The following CSGALNACT1 variants were observed in gnomAD, a reference collection of about 807,000 sequenced individuals.
CSGALNACT1 encodes the protein chondroitin sulfate N-acetylgalactosaminyltransferase 1, also known as beta4GalNAcT-1.
CSGALNACT1 carries 52 observed loss-of-function variants against 51.0 expected under a neutral mutation model. The observed-to-expected ratio is 1.02, with a 90% CI of 0.82 to 1.29. CSGALNACT1 has a LOEUF of 1.29. Among genes scored for constraint, CSGALNACT1 ranks in the 50% most tolerant of loss-of-function variants. CSGALNACT1 has a pLI of 0.00. For missense variants in CSGALNACT1, 935 were observed against 679.2 expected, an observed-to-expected ratio of 1.38 and a Z score of -4.19; for synonymous variants, 341 against 254.4, an observed-to-expected ratio of 1.34 and a Z score of -3.24.
chr8:19,705,460 C>A (rs1329581493), intron 1 of CSGALNACT1, among the ~76,000 whole-genome samples: 2 of 152,164 alleles, frequency 1.3e-5, no homozygotes, highest in African/African-American at 2.4e-5. Flanking sequence ...AGGCTGGGCA[C>A]AGTGGCTCAT....
At chr8:19,507,917 G>A (rs1449798864) in intron 3 of CSGALNACT1, among the ~76,000 whole-genome samples, 4 of 152,224 alleles carry the variant, frequency 2.6e-5, no homozygotes, top group South Asian at 2.1e-4. Context: ...GTGAGCCGCC[G>A]TGCCCGGCCC....
intron 6 of CSGALNACT1, among the ~76,000 whole-genome samples, chr8:19,421,981 C>G (rs1233143795): frequency 6.6e-6 from 1 of 152,168 alleles, no homozygotes; most frequent in Non-Finnish European, 1.5e-5. Context: ...ACAGATGTTT[C>G]TGAATGAGTG....
At chr8:19,473,734 G>A (rs536606721) in intron 4 of CSGALNACT1, among the ~76,000 whole-genome samples, 1 of 152,196 alleles carries the variant, frequency 6.6e-6, no homozygotes, top group Admixed American at 6.5e-5. Context: ...TTAATTAGTG[G>A]TGGAAATTCA....
exon 10 of CSGALNACT1, chr8:19,404,873 C>G (rs1331091921): frequency 4.4e-6 from 2 of 454,422 alleles, no homozygotes; most frequent in Non-Finnish European, 8.8e-6. Flanking sequence ...TGCTCCTCTT[C>G]GAAAATACTC....
chr8:19,640,870 A>C (rs2056655355), intron 1 of CSGALNACT1, among the ~76,000 whole-genome samples: 1 of 150,720 alleles, frequency 6.6e-6, no homozygotes, highest in South Asian at 2.1e-4. Context: ...CTTAAGACTT[A>C]AGTTTTGGTT....
chr8:19,421,637 T>C (rs112662146), intron 6 of CSGALNACT1, among the ~76,000 whole-genome samples: 27 of 152,374 alleles, frequency 1.8e-4, no homozygotes, highest in African/African-American at 6.3e-4. Context: ...TTCCAGTTTG[T>C]AAAGTTTGCA....
At chr8:19,632,562 T>C (rs2055420744) in intron 1 of CSGALNACT1, among the ~76,000 whole-genome samples, 1 of 152,250 alleles carries the variant, frequency 6.6e-6, no homozygotes, top group African/African-American at 2.4e-5. Flanking sequence ...TAAGTTTAAT[T>C]ACTTCTGTTC....
chr8:19,620,778 C>T (rs1448495974), intron 1 of CSGALNACT1, among the ~76,000 whole-genome samples: 3 of 152,008 alleles, frequency 2.0e-5, no homozygotes, highest in Non-Finnish European at 4.4e-5. Context: ...TTAAGATATC[C>T]TCAGTTAAGG....
intron 1 of CSGALNACT1, among the ~76,000 whole-genome samples, chr8:19,624,922 C>A (rs1172192577): frequency 1.3e-5 from 2 of 152,302 alleles, no homozygotes; most frequent in East Asian, 3.9e-4. Flanking sequence ...CGTGACCCGC[C>A]CACCTCGGCC....
At chr8:19,404,196 T>C (rs2053712333) in exon 10 of CSGALNACT1, 1 of 380,254 alleles carries the variant, frequency 2.6e-6, no homozygotes, top group Non-Finnish European at 5.2e-6. Flanking sequence ...AGCTGTGCAA[T>C]ACCACCTTCC....
upstream of CSGALNACT1, among the ~76,000 whole-genome samples, chr8:19,684,176 T>A (rs1195592882): frequency 1.3e-5 from 2 of 149,590 alleles, no homozygotes; most frequent in Non-Finnish European, 3.0e-5. Flanking sequence ...AAAAAAAAAA[T>A]ACATAATAAA....
intron 3 of CSGALNACT1, among the ~76,000 whole-genome samples, chr8:19,566,669 G>T (rs1354002746): frequency 9.2e-5 from 14 of 152,106 alleles, no homozygotes. Flanking sequence ...TCTAAAACAA[G>T]GTGCTCCATT....
At chr8:19,553,902 AAC>A (rs34664028) in intron 3 of CSGALNACT1, among the ~76,000 whole-genome samples, 83 of 147,344 alleles carry the variant, frequency 5.6e-4, no homozygotes, top group Admixed American at 7.4e-4. Flanking sequence ...GAACTCGTAG[AAC>A]ACACACACAC....
intron 3 of CSGALNACT1, among the ~76,000 whole-genome samples, chr8:19,565,111 C>G (rs1053604383): frequency 6.6e-5 from 10 of 152,196 alleles, no homozygotes; most frequent in African/African-American, 2.4e-4. Context: ...TGAAAAATAT[C>G]CTTTTCCTAC....
At chr8:19,648,675 G>A (rs1050683522) in intron 1 of CSGALNACT1, among the ~76,000 whole-genome samples, 2 of 152,058 alleles carry the variant, frequency 1.3e-5, no homozygotes, top group Non-Finnish European at 2.9e-5. Context: ...GGGCATGGTG[G>A]TACCTGTAGT....
chr8:19,507,528 G>GAAAAAAAAAAACAA (rs2077580491), intron 3 of CSGALNACT1, among the ~76,000 whole-genome samples: 1 of 74,890 alleles, frequency 1.3e-5, no homozygotes, highest in Non-Finnish European at 2.4e-5. Context: ...ATCTTAGCCA[G>GAAAAAAAAAAACAA]AAAAAAAAAA....
At chr8:19,428,791 T>G (rs1406811123) in intron 6 of CSGALNACT1, among the ~76,000 whole-genome samples, 1 of 151,224 alleles carries the variant, frequency 6.6e-6, no homozygotes, top group Admixed American at 6.6e-5. Context: ...AGACATTGAT[T>G]AGGACAAAAC....
At chr8:19,674,599 A>C (rs2060035323) in intron 1 of CSGALNACT1, among the ~76,000 whole-genome samples, 1 of 152,208 alleles carries the variant, frequency 6.6e-6, no homozygotes, top group Non-Finnish European at 1.5e-5. Flanking sequence ...AAGTCACTCC[A>C]GGACCCTGGC....
chr8:19,719,749 G>A (rs1305599316), intron 1 of CSGALNACT1, among the ~76,000 whole-genome samples: 2 of 151,832 alleles, frequency 1.3e-5, no homozygotes, highest in Non-Finnish European at 2.9e-5. Context: ...GACAATGCCA[G>A]CTGCCTACAT....
Sources: gnomAD v4.1 joint callset for allele counts (sites outside exome capture counted in the v4.1 genomes callset) on GRCh38, gnomAD v4.1.1 for gene constraint, MANE v1.5 for transcripts, NCBI Gene and HGNC (gene_info 2026-07-23, HGNC 2026-07-21) for gene names.